SNRPB: variants seen among roughly 807,000 people sequenced by gnomAD.
SNRPB encodes the protein small nuclear ribonucleoprotein polypeptides B and B1.
A neutral mutation model predicts 26.6 loss-of-function variants in SNRPB; 5 were observed. The observed-to-expected ratio is 0.19, with a 90% confidence interval of 0.10 to 0.39. The LOEUF is 0.39. SNRPB is among the 10% of genes least tolerant of loss of function. The pLI, the probability that SNRPB is intolerant of heterozygous loss-of-function variation, is 1.00. For synonymous variants in SNRPB, 122 were observed against 105.8 expected, an observed-to-expected ratio of 1.15 and a Z score of -0.94; for missense variants, 211 against 311.9, an observed-to-expected ratio of 0.68 and a Z score of 2.44.
At chr20:2,470,538 C>T in intron 1 of SNRPB, 150 bp downstream of exon 1, 1 of 910,288 alleles carries the variant, frequency 1.1e-6, no homozygotes, top group Non-Finnish European at 1.7e-6. Context: ...CGCCAAGGTC[C>T]TGGTCTTTCC....
intron 1 of SNRPB, among the ~76,000 whole-genome samples, chr20:2,470,438 A>G (rs1026872977): frequency 1.3e-5 from 2 of 152,228 alleles, no homozygotes; most frequent in Non-Finnish European, 2.9e-5. Context: ...AGCGGTGTCG[A>G]GAGCCGCGGT....
intron 1 of SNRPB, among the ~76,000 whole-genome samples, chr20:2,470,144 C>G (rs1485716758): frequency 1.3e-5 from 2 of 152,366 alleles, no homozygotes; most frequent in East Asian, 3.9e-4. Flanking sequence ...CAGGCACAGG[C>G]AAACACGGAA....
chr20:2,466,940 T>C (rs1385583551), intron 2 of SNRPB, among the ~76,000 whole-genome samples: 1 of 152,176 alleles, frequency 6.6e-6, no homozygotes, highest in Non-Finnish European at 1.5e-5. Flanking sequence ...ACACTGCATA[T>C]GACAAAAGAG....
chr20:2,461,722 A>C lies in SNRPB; in HGVS notation c.*207T>G, dbSNP rs760147793. The C allele has an allele frequency of 6.6e-7, 1 of 1,516,380 alleles. No homozygotes were observed. Among genetic ancestry groups the C allele is most frequent in the East Asian group, 2.3e-5 (1 of 44,080 alleles). The allele number at this position is 1,516,380 out of a possible 1,614,324, so 93.9% of individuals were successfully genotyped here. On this transcript the variant is annotated 3_prime_UTR_variant, in exon 7 of 7. Coordinates refer to ENST00000381342, the MANE Select transcript of SNRPB (RefSeq NM_003091.4). ...AAGGACTATGTACAGCCTTACGGGAAACAGGCAGGGAGCTGAGGAGGGCCA... is the reference window on the plus strand; with the variant it reads ...AAGGACTATGTACAGCCTTACGGGACACAGGCAGGGAGCTGAGGAGGGCCA...
chr20:2,466,664 T>C (rs1166182815), intron 2 of SNRPB, among the ~76,000 whole-genome samples: 1 of 152,188 alleles, frequency 6.6e-6, no homozygotes, highest in African/African-American at 2.4e-5. Context: ...CCTTTCATAA[T>C]TAGAAAAAAA....
Position 2,463,314 on chromosome 20 carries a change from G to A in SNRPB, c.421-87C>T. 2 of 1,001,682 alleles carry A rather than the reference G, an allele frequency of 2.0e-6. No individual in the cohort carries two copies. Among genetic ancestry groups the A allele is most frequent in the Admixed American group, 1.8e-5 (1 of 56,164 alleles). 62.0% of individuals were successfully genotyped at this position (1,001,682 alleles called of 1,614,324 possible). ...TCCCCAACTTGGGGAAGGACAGTGG[G>A]AAATAACAGACACCAAATCCCTTAA... On this transcript the variant is annotated intron_variant, in intron 4 of 6. Transcript: ENST00000381342. The surrounding 1 kb of genome is among the most constrained non-coding windows in gnomAD (Gnocchi z 5.0).
chr20:2,463,879 T>C lies in SNRPB; in HGVS notation c.288A>G (p.Pro96=). 1 of 1,613,576 alleles carries C rather than the reference T, an allele frequency of 6.2e-7. No homozygotes were observed. The highest frequency in any genetic ancestry group is 1.3e-5 in the African/African-American group (1 of 75,024). Residue 96 remains proline (P), a synonymous_variant, in exon 4 of 7, where the codon CCA becomes CCG. Transcript: ENST00000381342. This position sits in a 1 kb window ranked among gnomAD's most constrained non-coding sequence, Gnocchi z 5.0. ...CTGGGCCCCCGGCAGCTCCAGCAAG[T>C]GGAACTCGAGCAATACCAGTCTGAA... ...PPKDTGIARV[P]LAGAAGGPGI... is the part of the protein sequence containing the mutation.
chr20:2,462,419 T>C (rs1046019321), intron 6 of SNRPB, among the ~76,000 whole-genome samples: 1 of 152,222 alleles, frequency 6.6e-6, no homozygotes, highest in African/African-American at 2.4e-5. Flanking sequence ...CTGCCTTAGA[T>C]ATTGAGAAAC....
At position 2,467,767 on chromosome 20, in the gene SNRPB, A is replaced by C. The variant is rs774651560; in HGVS notation, c.4-9T>G. The C allele has an allele frequency of 7.4e-6, 12 of 1,613,316 alleles. No homozygotes were observed. Among genetic ancestry groups the C allele is most frequent in the Non-Finnish European group, 9.3e-6 (11 of 1,179,678 alleles). On this transcript the variant is annotated splice_polypyrimidine_tract_variant and intron_variant, in intron 1 of 6. Coordinates refer to ENST00000381342, the MANE Select transcript of SNRPB (RefSeq NM_003091.4). ...CTGCTCTTGCCCACCGTCTGCAAGG[A>C]GAAATGGACAGGGATGAGACTCTGC...
chr20:2,467,439 A>C, intron 2 of SNRPB, 168 bp downstream of exon 2: 1 of 664,056 alleles, frequency 1.5e-6, no homozygotes, highest in Non-Finnish European at 2.6e-6. Flanking sequence ...GGTTTGCTGG[A>C]CTCAAAAAGA....
Position 2,465,799 on chromosome 20 carries a change from G to A in SNRPB, c.176C>T (p.Ala59Val), listed in dbSNP as rs757473809. 11 of 1,613,494 alleles carry A rather than the reference G, an allele frequency of 6.8e-6. No homozygotes were observed. Among genetic ancestry groups the A allele is most frequent in the Non-Finnish European group, 8.5e-6 (10 of 1,179,866 alleles). The stretch of plus-strand genomic sequence containing the variant: ...GAGGACTCGCTTCTCTTCCCTTTCT[G>A]CTTGTTTGGAGTTCTTTGGCCTAAA... ...RKIKPKNSKQAEREEKRVLGL... is the reference protein window; with the variant it reads ...RKIKPKNSKQVEREEKRVLGL... The change falls in exon 3 of 7, where the codon GCA becomes GTA. Residue 59 changes from alanine (A) to valine (V), a missense_variant. Transcript: ENST00000381342.
intron 3 of SNRPB, among the ~76,000 whole-genome samples, chr20:2,465,019 C>A (rs1334276915): frequency 1.3e-5 from 2 of 152,172 alleles, no homozygotes; most frequent in Non-Finnish European, 2.9e-5. Flanking sequence ...TCAGTTTCAC[C>A]ACTTAGTGGC....
chr20:2,462,662 A>T lies in SNRPB; in HGVS notation c.659T>A (p.Met220Lys). The change falls in exon 6 of 7, where the codon ATG (methionine) becomes AAG (lysine). Residue 220 changes from methionine (M) to lysine (K), a missense_variant. Coordinates refer to ENST00000381342, the MANE Select transcript of SNRPB (RefSeq NM_003091.4). ...GTPMGMPPPG[M>K]RPPPPGMRGL... ...TCGCATCCCAGGGGGAGGAGGCCGCATTCCCGGAGGGGGCATGCCCATTGG... is the reference window on the plus strand; with the variant it reads ...TCGCATCCCAGGGGGAGGAGGCCGCTTTCCCGGAGGGGGCATGCCCATTGG... 6.2e-7 allele frequency: 1 copy of T among 1,612,910 alleles called. No individual in the cohort carries two copies. The highest frequency in any genetic ancestry group is 8.5e-7 in the Non-Finnish European group (1 of 1,179,008).
At position 2,461,862 on chromosome 20, in the gene SNRPB, G is replaced by A; in HGVS notation, c.*67C>T. On this transcript the variant is annotated 3_prime_UTR_variant, in exon 7 of 7. Transcript: ENST00000381342. Reference sequence around the variant, plus strand: ...AGCATAAGAAACAAACAGGTCTGTGGTAACGTGGCCCTGAGGAATCGAGCC... The same window carrying A: ...AGCATAAGAAACAAACAGGTCTGTGATAACGTGGCCCTGAGGAATCGAGCC... 6.2e-7 allele frequency: 1 copy of A among 1,613,950 alleles called. No homozygotes were observed. Among genetic ancestry groups the A allele is most frequent in the East Asian group, 2.2e-5 (1 of 44,876 alleles).
chr20:2,469,546 A>G (rs2085098830), intron 1 of SNRPB, among the ~76,000 whole-genome samples: 1 of 152,098 alleles, frequency 6.6e-6, no homozygotes, highest in Admixed American at 6.6e-5. Flanking sequence ...ACAAAAAATT[A>G]GCCAAGTGTG....
Position 2,468,342 on chromosome 20 carries a change from C to CAT in SNRPB, c.4-586_4-585dup, listed in dbSNP as rs572052091. ...TGGTTAGGGTGCTAACCAGTTTGGA[C>CAT]ATATAATGGTCTTTAACCCAACAAA... On this transcript the variant is annotated intron_variant, in intron 1 of 6. Transcript: ENST00000381342. 1.4e-3 allele frequency among the ~76,000 whole-genome samples: 210 copies of CAT among 152,306 alleles called. 2 individuals carry two copies. The highest frequency in any genetic ancestry group is 3.7e-4 in the Non-Finnish European group (25 of 68,030).
At position 2,462,779 on chromosome 20, in the gene SNRPB, C is replaced by CA. The variant is rs2085044966; in HGVS notation, c.560-19dup. The CA allele has an allele frequency of 3.9e-6, 6 of 1,519,240 alleles. No homozygotes were observed. In the East Asian group the frequency reaches 1.4e-4, roughly 35 times the overall value. The allele number at this position is 1,519,240 out of a possible 1,614,324, so 94.1% of individuals were successfully genotyped here. On this transcript the variant is annotated intron_variant, in intron 5 of 6. Coordinates refer to ENST00000381342, the MANE Select transcript of SNRPB (RefSeq NM_003091.4). ...CATCATGCCTGCAAGAGAAAAGCCC[C>CA]AAGAATATAGCTCAAGTGTCTATCT...
At position 2,461,945 on chromosome 20, in the gene SNRPB, G is replaced by GTAA. The variant is rs1273830252; in HGVS notation, c.686-9_686-7dup. 1 of 1,609,102 alleles carries GTAA rather than the reference G, an allele frequency of 6.2e-7. No individual in the cohort carries two copies. The highest frequency in any genetic ancestry group is 8.5e-7 in the Non-Finnish European group (1 of 1,177,582). ...GGCCAAGGGTCAAAGAAGGCCTGAAGTAAGAGTAAGAAGTTTAGTCAGTGC... is the reference window on the plus strand; with the variant it reads ...GGCCAAGGGTCAAAGAAGGCCTGAAGTAATAAGAGTAAGAAGTTTAGTCAGTGC... On this transcript the variant is annotated splice_polypyrimidine_tract_variant and splice_region_variant and intron_variant, in intron 6 of 6. Coordinates refer to ENST00000381342, the MANE Select transcript of SNRPB (RefSeq NM_003091.4).
rs1568463942 is a variant in SNRPB at position 2,465,823 on chromosome 20, A to C, written c.156-4T>G. ...TGCTTGTTTGGAGTTCTTTGGCCTA[A>C]AGAGAGGTTTAGAAGGAACAAAAAA... On this transcript the variant is annotated splice_region_variant and splice_polypyrimidine_tract_variant and intron_variant, in intron 2 of 6. Coordinates refer to ENST00000381342, the MANE Select transcript of SNRPB (RefSeq NM_003091.4). The C allele has an allele frequency of 4.3e-6, 7 of 1,612,350 alleles. No homozygotes were observed. The Admixed American group carries it at 8.3e-5, about 19-fold the overall frequency.
Sources: allele counts gnomAD v4.1 joint callset (sites outside exome capture counted in the v4.1 genomes callset), GRCh38; gene constraint gnomAD v4.1.1; non-coding constraint Gnocchi (gnomAD v3.1); transcripts MANE v1.5; gene names NCBI Gene and HGNC (gene_info 2026-07-23, HGNC 2026-07-21).